NFIX: variants seen among roughly 807,000 people sequenced by gnomAD.
NFIX encodes the protein nuclear factor I X.
NFIX carries 2 observed loss-of-function variants against 53.3 expected under a neutral mutation model. The observed-to-expected ratio is 0.04, with a 90% CI of 0.02 to 0.12. NFIX has a LOEUF of 0.12. NFIX is among the 10% of genes least tolerant of loss of function. The pLI is 1.00. For missense variants in NFIX, 310 were observed against 674.5 expected (o/e 0.46, Z 5.99); for synonymous variants, 244 against 289.0 (o/e 0.84, Z 1.58).
intron 2 of NFIX, among the ~76,000 whole-genome samples, chr19:13,042,699 A>C (rs914499730): frequency 2.6e-5 from 4 of 152,200 alleles, no homozygotes; most frequent in East Asian, 3.9e-4. Flanking sequence ...ATGAGATTTC[A>C]TCATGCCAGA....
chr19:13,091,400 CAAAAA>C (rs57370192), intron 10 of NFIX, among the ~76,000 whole-genome samples: 2 of 57,184 alleles, frequency 3.5e-5, no homozygotes, highest in Non-Finnish European at 3.6e-5. Flanking sequence ...TTCCTTCCCT[CAAAAA>C]AAAAAAAAAA....
In NFIX at chr19:12,998,977, A is replaced by G. The variant is rs2011573095; in HGVS notation, c.27+3113A>G. 6.6e-6 allele frequency among the ~76,000 whole-genome samples: 1 copy of G among 152,080 alleles called. No individual in the cohort carries two copies. Among genetic ancestry groups the G allele is most frequent in the African/African-American group, 2.4e-5 (1 of 41,386 alleles). ...ATGATACAGATAGCGACGAAGGCAC[A>G]TGGAGACCACGACACCTCCCAGACT... On this transcript the variant is annotated intron_variant, in intron 1 of 10. Transcript: ENST00000592199. The surrounding 1 kb of genome is among the most constrained non-coding windows in gnomAD (Gnocchi z 4.4).
chr19:13,054,250 C>T (rs919609492), intron 2 of NFIX, among the ~76,000 whole-genome samples: 1 of 152,194 alleles, frequency 6.6e-6, no homozygotes, highest in South Asian at 2.1e-4. Flanking sequence ...CATCCCAGCT[C>T]CAGCTGACTT....
chr19:13,020,412 G>C (rs1226109317), intron 1 of NFIX, among the ~76,000 whole-genome samples: 2 of 152,178 alleles, frequency 1.3e-5, no homozygotes, highest in Admixed American at 1.3e-4. Flanking sequence ...AAGGGAGGGA[G>C]GGAGGAAAGA....
intron 2 of NFIX, among the ~76,000 whole-genome samples, chr19:13,057,349 A>C (rs533684027): frequency 6.6e-6 from 1 of 152,158 alleles, no homozygotes; most frequent in Non-Finnish European, 1.5e-5. Context: ...TCATCCCCCA[A>C]ATTACTGGCT....
At position 12,996,179 on chromosome 19, in the gene NFIX, G is replaced by A. The variant is rs2011462209; in HGVS notation, c.27+315G>A. On this transcript the variant is annotated intron_variant, in intron 1 of 10. Transcript: ENST00000592199. This position sits in a 1 kb window ranked among gnomAD's most constrained non-coding sequence, Gnocchi z 5.2. ...TGTGTGTGTGTGTGTGTGCGCGCTC[G>A]ACTGGGGTGCGATGGGCAGCGGGAC... Among the ~76,000 whole-genome samples the A allele has an allele frequency of 6.6e-6, 1 of 151,618 alleles. No homozygotes were observed. Among genetic ancestry groups the A allele is most frequent in the South Asian group, 2.1e-4 (1 of 4,822 alleles).
intron 2 of NFIX, among the ~76,000 whole-genome samples, chr19:13,044,813 G>C (rs765984824): frequency 4.6e-5 from 7 of 152,216 alleles, no homozygotes; most frequent in Non-Finnish European, 1.0e-4. Flanking sequence ...TCAGGACTGA[G>C]CTGAGTGAGA....
At chr19:13,003,133 C>CAA (rs2011813809) in intron 1 of NFIX, among the ~76,000 whole-genome samples, 1 of 152,036 alleles carries the variant, frequency 6.6e-6, no homozygotes, top group African/African-American at 2.4e-5. Context: ...CCATCTCACA[C>CAA]AAAGTCACAC....
At position 13,060,472 on chromosome 19, in the gene NFIX, G is replaced by C. The variant is rs1191242400; in HGVS notation, c.560-12575G>C. 6.6e-6 allele frequency among the ~76,000 whole-genome samples: 1 copy of C among 152,352 alleles called. No individual in the cohort carries two copies. Among genetic ancestry groups the C allele is most frequent in the East Asian group, 1.9e-4 (1 of 5,172 alleles). ...TGCTGCACCCTCTGACCACAACTTT[G>C]TGGGGCGCCTGCTGTGTGCAGAATC... On this transcript the variant is annotated intron_variant, in intron 2 of 10. Transcript: ENST00000592199. The surrounding 1 kb of genome is among the most constrained non-coding windows in gnomAD (Gnocchi z 4.3).
chr19:13,007,248 G>A (rs1014903232), intron 1 of NFIX, among the ~76,000 whole-genome samples: 7 of 151,908 alleles, frequency 4.6e-5, no homozygotes, highest in Admixed American at 3.9e-4. Context: ...CTTCTCTGCC[G>A]CCTGGGGCTG....
chr19:13,008,683 C>T (rs564129109), intron 1 of NFIX, among the ~76,000 whole-genome samples: 3 of 152,206 alleles, frequency 2.0e-5, no homozygotes, highest in Non-Finnish European at 2.9e-5. Context: ...GCATAGGGTA[C>T]GCATCCCTCA....
rs1568332971 is a variant in NFIX, at chr19:13,089,366, G to T, written c.1403-933G>T. 6.6e-6 allele frequency among the ~76,000 whole-genome samples: 1 copy of T among 152,162 alleles called. No individual in the cohort carries two copies. Among genetic ancestry groups the T allele is most frequent in the African/African-American group, 2.4e-5 (1 of 41,426 alleles). On this transcript the variant is annotated intron_variant, in intron 9 of 10. Coordinates refer to ENST00000592199, the MANE Select transcript of NFIX (RefSeq NM_001365902.3). The surrounding 1 kb of genome is among the most constrained non-coding windows in gnomAD (Gnocchi z 4.8). ...GCATCTTCCCTTCTGGGGGTGCAGG[G>T]CCTGTTCCCTCCAGCAGGGCTCCAT...
intron 5 of NFIX, 107 bp from the exon 6 acceptor site, chr19:13,075,427 TC>T: frequency 7.9e-7 from 1 of 1,265,064 alleles, no homozygotes; most frequent in Non-Finnish European, 1.1e-6. Flanking sequence ...CCGGCACCAC[TC>T]CCCACCCAGA....
At position 13,081,807 on chromosome 19, in the gene NFIX, G is replaced by A; in HGVS notation, c.1206G>A (p.Glu402=). 6.2e-7 allele frequency: 1 copy of A among 1,614,006 alleles called. No individual in the cohort carries two copies. Among genetic ancestry groups the A allele is most frequent in the Non-Finnish European group, 8.5e-7 (1 of 1,179,896 alleles). Residue 402 remains glutamate (E), a synonymous_variant, in exon 8 of 11, where the codon GAG becomes GAA. Transcript: ENST00000592199. The surrounding 1 kb of genome is among the most constrained non-coding windows in gnomAD (Gnocchi z 4.7). ...HHHHGQDSLK[E]FVQFVCSDGS... ...ACCACGGGCAGGACTCACTGAAGGA[G>A]TTTGTGCAGTTTGTGTGCTCGGATG...
rs907131126 is a variant in NFIX, at chr19:13,027,195, A to G, written c.559+1643A>G. On this transcript the variant is annotated intron_variant, in intron 2 of 10. Coordinates refer to ENST00000592199, the MANE Select transcript of NFIX (RefSeq NM_001365902.3). The surrounding 1 kb of genome is among the most constrained non-coding windows in gnomAD (Gnocchi z 4.3). ...ACTCTCACCCCCCAAGTCTCTACCTACTTCTGTGGATCTTTCTAGGCCTGC... is the reference window on the plus strand; with the variant it reads ...ACTCTCACCCCCCAAGTCTCTACCTGCTTCTGTGGATCTTTCTAGGCCTGC... Among the ~76,000 whole-genome samples, 1 of 152,112 alleles carries G rather than the reference A, an allele frequency of 6.6e-6. No homozygotes were observed. The highest frequency in any genetic ancestry group is 1.5e-5 in the Non-Finnish European group (1 of 68,022).
At chr19:13,046,780 A>C (rs2015016926) in intron 2 of NFIX, among the ~76,000 whole-genome samples, 1 of 152,142 alleles carries the variant, frequency 6.6e-6, no homozygotes, top group Non-Finnish European at 1.5e-5. Flanking sequence ...AGCAGAGAGA[A>C]AGGGAAGGGA....
At chr19:13,003,238 A>G (rs896951862) in intron 1 of NFIX, among the ~76,000 whole-genome samples, 3 of 152,106 alleles carry the variant, frequency 2.0e-5, no homozygotes, top group Non-Finnish European at 4.4e-5. Context: ...GTCCCCATAC[A>G]AAGAATCTTG....
At chr19:13,015,175 G>A (rs1252653831) in intron 1 of NFIX, among the ~76,000 whole-genome samples, 4 of 151,956 alleles carry the variant, frequency 2.6e-5, no homozygotes, top group South Asian at 4.2e-4. Flanking sequence ...CCTTGTATTC[G>A]TCTTTTTACA....
intron 10 of NFIX, among the ~76,000 whole-genome samples, chr19:13,091,060 C>A (rs531737495): frequency 7.2e-5 from 11 of 152,102 alleles, no homozygotes; most frequent in African/African-American, 2.7e-4. Context: ...CAGGTGGAGA[C>A]CCCAGAGGCC....
Sources: gnomAD v4.1 joint callset for allele counts (sites outside exome capture counted in the v4.1 genomes callset) on GRCh38, gnomAD v4.1.1 for gene constraint, Gnocchi (gnomAD v3.1) non-coding constraint, MANE v1.5 for transcripts, NCBI Gene and HGNC (gene_info 2026-07-23, HGNC 2026-07-21) for gene names.